The following ALDH6A1 variants were observed in gnomAD, a reference collection of about 807,000 sequenced individuals.
ALDH6A1 encodes the protein aldehyde dehydrogenase 6 family member A1.
In ALDH6A1, 43 loss-of-function variants were observed where a neutral mutation model predicts 62.6. The observed-to-expected ratio is 0.69, with a 90% confidence interval of 0.54 to 0.89. ALDH6A1 has a LOEUF of 0.89. ALDH6A1 is among the 40% of genes least tolerant of loss of function. ALDH6A1 has a pLI of 0.00. For missense variants in ALDH6A1, 551 were observed against 661.3 expected (o/e 0.83, Z 1.83); for synonymous variants, 194 against 234.2 (o/e 0.83, Z 1.57).
At chr14:74,084,217 A>G in intron 1 of ALDH6A1, 130 bp downstream of exon 1, 1 of 1,367,232 alleles carries the variant, frequency 7.3e-7, no homozygotes, top group South Asian at 1.2e-5. Flanking sequence ...AGGGCCGCAC[A>G]GGTCGGGTAG....
At position 74,057,026 on chromosome 14, in the gene ALDH6A1, G is replaced by A; in HGVS notation, c.*3616C>T. The A allele has an allele frequency of 1.3e-6, 2 of 1,582,182 alleles. No homozygotes were observed. Among genetic ancestry groups the A allele is most frequent in the Non-Finnish European group, 1.7e-6 (2 of 1,155,664 alleles). ...GTAATAAACATGAGCCCAACACGAT[G>A]GTTCTTGTGGGCATCTTGAATGTGC... On this transcript the variant is annotated 3_prime_UTR_variant, in exon 12 of 12. Transcript: ENST00000553458.
rs1457950112 is a variant in ALDH6A1 at position 74,069,106 on chromosome 14, T to TTC, written c.731-126_731-125insGA. 4.5e-5 allele frequency: 46 copies of TTC among 1,015,692 alleles called. No individual in the cohort carries two copies. In the East Asian group the frequency reaches 6.3e-4, roughly 14 times the overall value. 62.9% of individuals were successfully genotyped at this position (1,015,692 alleles called of 1,614,324 possible). The stretch of plus-strand genomic sequence containing the variant: ...GTGTTTTTCTTTTACTTTTTCTTTT[T>TTC]TTTTTTTTTTTTTTTTGAGACGGAG... On this transcript the variant is annotated intron_variant, in intron 6 of 11. Transcript: ENST00000553458.
chr14:74,064,655 G>T (rs755270355), intron 11 of ALDH6A1, 167 bp downstream of exon 11: 34 of 1,612,262 alleles, frequency 2.1e-5, no homozygotes, highest in African/African-American at 4.0e-5. Context: ...AGCAGCTTTG[G>T]CAAAATTTTG....
chr14:74,065,183 G>A lies in ALDH6A1; in HGVS notation c.1402C>T (p.Gln468Ter). 1 of 1,614,114 alleles carries A rather than the reference G, an allele frequency of 6.2e-7. No individual in the cohort carries two copies. Among genetic ancestry groups the A allele is most frequent in the Non-Finnish European group, 8.5e-7 (1 of 1,180,002 alleles). The change falls in exon 10 of 12, where the codon CAG becomes TAG. Residue 468 changes from glutamine (Q) to a stop codon, truncating the protein, a stop_gained and splice_region_variant. Coordinates refer to ENST00000553458, the MANE Select transcript of ALDH6A1 (RefSeq NM_005589.4). LOFTEE classifies it high-confidence loss of function. ...RKYAHLVDVG[Q>*]VGVNVPIPVP... Reference sequence around the variant, plus strand: ...TCTTAAAAATTCTGTTCACGAACCTGTCCAACATCCACCAAGTGGGCATAT... The same window carrying A: ...TCTTAAAAATTCTGTTCACGAACCTATCCAACATCCACCAAGTGGGCATAT...
At chr14:74,073,055 C>T (rs1459922968) in intron 2 of ALDH6A1, among the ~76,000 whole-genome samples, 1 of 152,216 alleles carries the variant, frequency 6.6e-6, no homozygotes, top group Admixed American at 6.5e-5. Flanking sequence ...CCACCTCGGC[C>T]TCCCAAAGTG....
chr14:74,077,922 C>T (rs2060630454), intron 1 of ALDH6A1, among the ~76,000 whole-genome samples: 1 of 152,126 alleles, frequency 6.6e-6, no homozygotes, highest in East Asian at 1.9e-4. Context: ...TAGCACAAAG[C>T]TGGTACTCAT....
chr14:74,084,081 A>G (rs572207599), intron 1 of ALDH6A1, among the ~76,000 whole-genome samples: 2 of 152,262 alleles, frequency 1.3e-5, no homozygotes, highest in East Asian at 3.9e-4. Context: ...GCAGAGCTGG[A>G]GAAGGAGAGT....
Position 74,066,776 on chromosome 14 carries a change from C to T in ALDH6A1, c.1153G>A (p.Gly385Arg). The T allele has an allele frequency of 6.2e-7, 1 of 1,614,022 alleles. No individual in the cohort carries two copies. Among genetic ancestry groups the T allele is most frequent in the Non-Finnish European group, 8.5e-7 (1 of 1,180,016 alleles). The change falls in exon 9 of 12, where the codon GGA (glycine) becomes AGA (arginine). Residue 385 changes from glycine to arginine, a missense_variant. Transcript: ENST00000553458. Reference sequence around the variant, plus strand: ...TAGCCTTTCACTTTAATTTTTCGTCCATCAAGAAGGATGGAAGCTCCCTCC... The same window carrying T: ...TAGCCTTTCACTTTAATTTTTCGTCTATCAAGAAGGATGGAAGCTCCCTCC... ...TKEGASILLD[G>R]RKIKVKGYEN...
At chr14:74,071,587 T>A in intron 5 of ALDH6A1, 90 bp from the exon 6 acceptor site, 2 of 1,606,800 alleles carry the variant, frequency 1.2e-6, no homozygotes, top group Non-Finnish European at 1.7e-6. Context: ...CAGGAAGTGG[T>A]TCAGGCCAAT....
chr14:74,069,613 TGTG>T (rs2060521332), intron 6 of ALDH6A1, among the ~76,000 whole-genome samples: 1 of 151,350 alleles, frequency 6.6e-6, no homozygotes, highest in Non-Finnish European at 1.5e-5. Flanking sequence ...ATTAGCCAAA[TGTG>T]GTGGTGGGCA....
At chr14:74,065,968 C>T (rs2060456632) in intron 9 of ALDH6A1, 1 of 156,402 alleles carries the variant, frequency 6.4e-6, no homozygotes, top group African/African-American at 2.4e-5. Context: ...TTACATTCAA[C>T]ACTTGATGAT....
intron 7 of ALDH6A1, among the ~76,000 whole-genome samples, chr14:74,068,371 T>A (rs1303339975): frequency 2.1e-5 from 3 of 144,138 alleles, no homozygotes; most frequent in Non-Finnish European, 4.5e-5. Context: ...AGAGTAAGAC[T>A]CTGTCTCAAA....
chr14:74,064,758 G>A (rs552933905), intron 11 of ALDH6A1, 64 bp downstream of exon 11: 2 of 1,611,132 alleles, frequency 1.2e-6, no homozygotes, highest in South Asian at 2.2e-5. Context: ...CAGAATCCTT[G>A]CTCCTGAATA....
intron 1 of ALDH6A1, among the ~76,000 whole-genome samples, chr14:74,079,918 G>T (rs1033688845): frequency 1.2e-4 from 19 of 152,046 alleles, no homozygotes; most frequent in African/African-American, 4.1e-4. Flanking sequence ...TGCACCTGTG[G>T]TCCCAGGTAC....
chr14:74,069,057 C>T, intron 6 of ALDH6A1, 76 bp from the exon 7 acceptor site: 1 of 1,464,986 alleles, frequency 6.8e-7, no homozygotes. Flanking sequence ...CCTTTCCCCA[C>T]TGCTATGGAT....
chr14:74,071,709 T>C, intron 5 of ALDH6A1, 187 bp downstream of exon 5: 3 of 1,475,490 alleles, frequency 2.0e-6, no homozygotes, highest in South Asian at 1.3e-5. Flanking sequence ...GGAAGATCAT[T>C]TGAGTAAAGA....
chr14:74,066,787 A>C lies in ALDH6A1; in HGVS notation c.1142T>G (p.Ile381Ser). ...TTTAATTTTTCGTCCATCAAGAAGGATGGAAGCTCCCTCCTTTGTTCCACT... is the reference window on the plus strand; with the variant it reads ...TTTAATTTTTCGTCCATCAAGAAGGCTGGAAGCTCCCTCCTTTGTTCCACT... ...IDSGTKEGAS[I>S]LLDGRKIKVK... The change falls in exon 9 of 12, where the codon ATC becomes AGC. Residue 381 changes from isoleucine to serine, a missense_variant. By Grantham distance (142) the Ile-to-Ser change is moderately radical. Coordinates refer to ENST00000553458, the MANE Select transcript of ALDH6A1 (RefSeq NM_005589.4). 6.2e-7 allele frequency: 1 copy of C among 1,614,072 alleles called. No individual in the cohort carries two copies. Among genetic ancestry groups the C allele is most frequent in the Non-Finnish European group, 8.5e-7 (1 of 1,180,006 alleles).
In ALDH6A1 at chr14:74,057,571, T is replaced by C. The variant is rs1199256357; in HGVS notation, c.*3071A>G. 1.5e-6 allele frequency: 2 copies of C among 1,329,034 alleles called. No individual in the cohort carries two copies. The highest frequency in any genetic ancestry group is 2.0e-6 in the Non-Finnish European group (2 of 1,025,082). 82.3% of individuals were successfully genotyped at this position (1,329,034 alleles called of 1,614,324 possible). Reference sequence around the variant, plus strand: ...GTAAACATAGTGACCTTGTGACTCTTAGCTTTCCATCACAGGTGGGAAGTC... The same window carrying C: ...GTAAACATAGTGACCTTGTGACTCTCAGCTTTCCATCACAGGTGGGAAGTC... On this transcript the variant is annotated 3_prime_UTR_variant, in exon 12 of 12. Coordinates refer to ENST00000553458, the MANE Select transcript of ALDH6A1 (RefSeq NM_005589.4).
chr14:74,067,006 A>T, intron 8 of ALDH6A1, 120 bp from the exon 9 acceptor site: 1 of 955,212 alleles, frequency 1.0e-6, no homozygotes, highest in Non-Finnish European at 1.6e-6. Context: ...GCTTGAGCCC[A>T]GGAGTTCCAG....
Sources: gnomAD v4.1 joint callset for allele counts (sites outside exome capture counted in the v4.1 genomes callset) on GRCh38, gnomAD v4.1.1 for gene constraint, MANE v1.5 for transcripts, NCBI Gene and HGNC (gene_info 2026-07-23, HGNC 2026-07-21) for gene names.